The following VWA3B variants were observed in gnomAD, a reference collection of about 807,000 sequenced individuals.
The protein encoded by VWA3B is von Willebrand factor A domain containing 3B, also known as von Willebrand factor A domain-containing protein 3B.
VWA3B carries 138 observed loss-of-function variants against 158.3 expected under a neutral mutation model. That is an observed-to-expected ratio of 0.87 (90% CI 0.76 to 1.00). The LOEUF is 1.00. VWA3B is among the 50% of genes least tolerant of loss of function. The pLI is 0.00. For synonymous variants in VWA3B, 596 were observed against 587.3 expected (o/e 1.01, Z -0.21); for missense variants, 1,555 against 1,565.1 (o/e 0.99, Z 0.11).
At chr2:98,166,799 TAC>T (rs58860649) in intron 8 of VWA3B, among the ~76,000 whole-genome samples, 13,421 of 145,888 alleles carry the variant, frequency 0.092, 822 homozygotes, top group East Asian at 0.24. Context: ...TTTAATCTAA[TAC>T]ACACACACAC....
At position 98,261,149 on chromosome 2, in the gene VWA3B, C is replaced by T. The variant is rs145260511; in HGVS notation, c.2843+4975C>T. Among the ~76,000 whole-genome samples the T allele has an allele frequency of 2.1e-4, 32 of 151,706 alleles. 1 individual carries two copies. Among genetic ancestry groups the T allele is most frequent in the African/African-American group, 7.7e-4 (32 of 41,464 alleles). ...TTATTTTTGATTTGTTCTAATGGGTCGTTGTGATCGCTCTTTATTTCCTTT... is the reference window on the plus strand; with the variant it reads ...TTATTTTTGATTTGTTCTAATGGGTTGTTGTGATCGCTCTTTATTTCCTTT... On this transcript the variant is annotated intron_variant, in intron 21 of 27. Coordinates refer to ENST00000477737, the MANE Select transcript of VWA3B (RefSeq NM_144992.5).
chr2:98,295,773 G>A (rs1454710594), intron 23 of VWA3B, among the ~76,000 whole-genome samples: 1 of 152,236 alleles, frequency 6.6e-6, no homozygotes, highest in Non-Finnish European at 1.5e-5. Context: ...AAAAATTGGA[G>A]CTGATCTTGA....
At chr2:98,130,073 G>A (rs182168098) in intron 6 of VWA3B, among the ~76,000 whole-genome samples, 1 of 152,250 alleles carries the variant, frequency 6.6e-6, no homozygotes, top group Non-Finnish European at 1.5e-5. Flanking sequence ...GATCATTATC[G>A]GGTGTGGCAG....
rs531645546 is a variant in VWA3B at position 98,125,695 on chromosome 2, C to T, written c.703-2544C>T. 2.7e-4 allele frequency among the ~76,000 whole-genome samples: 41 copies of T among 152,166 alleles called. No homozygotes were observed. Among genetic ancestry groups the T allele is most frequent in the Non-Finnish European group, 4.9e-4 (33 of 67,998 alleles). On this transcript the variant is annotated intron_variant, in intron 5 of 27. Transcript: ENST00000477737. The surrounding 1 kb of genome is among the most constrained non-coding windows in gnomAD (Gnocchi z 4.1). Reference sequence around the variant, plus strand: ...TTTCTTTTTTTTTGAAACCGAGTCTCGCTCTGTCGCCCAGGCTGGAGTGCA... The same window carrying T: ...TTTCTTTTTTTTTGAAACCGAGTCTTGCTCTGTCGCCCAGGCTGGAGTGCA...
chr2:98,215,666 C>T (rs572465759), intron 13 of VWA3B, among the ~76,000 whole-genome samples: 2 of 151,840 alleles, frequency 1.3e-5, no homozygotes, highest in East Asian at 2.0e-4. Context: ...TACAGGCTCA[C>T]GCCGCCACAC....
At chr2:98,302,098 G>A (rs932834085) in intron 25 of VWA3B, among the ~76,000 whole-genome samples, 14 of 152,064 alleles carry the variant, frequency 9.2e-5, no homozygotes, top group African/African-American at 2.7e-4. Context: ...GGCCCCAGCC[G>A]GCTCCATGAG....
intron 22 of VWA3B, among the ~76,000 whole-genome samples, chr2:98,278,790 A>G (rs1200600229): frequency 1.3e-5 from 2 of 152,138 alleles, no homozygotes; most frequent in African/African-American, 4.8e-5. Flanking sequence ...GAAAAAGGCA[A>G]CATTCGAGAA....
intron 2 of VWA3B, among the ~76,000 whole-genome samples, chr2:98,114,588 A>G (rs1431430005): frequency 6.6e-6 from 1 of 152,222 alleles, no homozygotes; most frequent in Non-Finnish European, 1.5e-5. Context: ...GAGGGAAGGA[A>G]GTACCAGCAC....
chr2:98,131,025 T>C (rs935319208), intron 6 of VWA3B, among the ~76,000 whole-genome samples: 1 of 152,170 alleles, frequency 6.6e-6, no homozygotes, highest in African/African-American at 2.4e-5. Flanking sequence ...TAGAGCCTAC[T>C]CCTTCTATCT....
At chr2:98,192,110 G>C (rs1329150443) in intron 10 of VWA3B, among the ~76,000 whole-genome samples, 1 of 152,190 alleles carries the variant, frequency 6.6e-6, no homozygotes, top group African/African-American at 2.4e-5. Flanking sequence ...GAATGTGCTG[G>C]CTTCACTAGC....
chr2:98,263,697 T>C (rs1687619521), intron 21 of VWA3B, among the ~76,000 whole-genome samples: 1 of 152,068 alleles, frequency 6.6e-6, no homozygotes, highest in Admixed American at 6.5e-5. Flanking sequence ...GTCTGTAGTT[T>C]CTTTTTCCTT....
chr2:98,247,400 T>C (rs1008851098), intron 19 of VWA3B, among the ~76,000 whole-genome samples: 1 of 152,152 alleles, frequency 6.6e-6, no homozygotes, highest in African/African-American at 2.4e-5. Context: ...TAAAAACCTT[T>C]CCCCCAAAAA....
rs551469676 is a variant in VWA3B, at chr2:98,095,873, T to G, written c.196+2585T>G. Among the ~76,000 whole-genome samples, 126 of 152,216 alleles carry G rather than the reference T, an allele frequency of 8.3e-4. 3 individuals carry two copies. Among genetic ancestry groups the G allele is most frequent in the Non-Finnish European group, 2.4e-4 (16 of 68,018 alleles). On this transcript the variant is annotated intron_variant, in intron 2 of 27. Coordinates refer to ENST00000477737, the MANE Select transcript of VWA3B (RefSeq NM_144992.5). ...AATGCTTATTCTGCATCTATTGAAG[T>G]GATTATGTAGTTTTTTGTCCTTCAT...
chr2:98,182,092 A>C (rs776539619), intron 9 of VWA3B, among the ~76,000 whole-genome samples: 1 of 152,270 alleles, frequency 6.6e-6, no homozygotes, highest in African/African-American at 2.4e-5. Flanking sequence ...CATGCTGTGA[A>C]GTGAACCTAA....
At chr2:98,295,937 G>A (rs994644737) in intron 23 of VWA3B, among the ~76,000 whole-genome samples, 9 of 152,200 alleles carry the variant, frequency 5.9e-5, no homozygotes, top group African/African-American at 7.2e-5. Context: ...AAGCCAGACC[G>A]TAAGAAACTG....
intron 12 of VWA3B, among the ~76,000 whole-genome samples, chr2:98,201,008 A>C (rs747986064): frequency 3.9e-5 from 6 of 152,194 alleles, no homozygotes; most frequent in Non-Finnish European, 8.8e-5. Context: ...CACCAACATC[A>C]CATTGTCTTT....
chr2:98,232,962 A>T (rs1329800701), intron 16 of VWA3B, among the ~76,000 whole-genome samples: 1 of 152,074 alleles, frequency 6.6e-6, no homozygotes, highest in Non-Finnish European at 1.5e-5. Flanking sequence ...ACCCACAGGG[A>T]CCAAGAGGCG....
intron 8 of VWA3B, among the ~76,000 whole-genome samples, chr2:98,170,141 G>A (rs564954054): frequency 6.6e-6 from 1 of 152,066 alleles, no homozygotes; most frequent in African/African-American, 2.4e-5. Context: ...TGAATGAATG[G>A]ATGAATGAAT....
intron 26 of VWA3B, among the ~76,000 whole-genome samples, chr2:98,307,193 G>A (rs184031992): frequency 6.6e-5 from 10 of 152,254 alleles, no homozygotes; most frequent in South Asian, 2.1e-4. Flanking sequence ...AATTTCTTCC[G>A]CAAGGCCATT....
Sources: gnomAD v4.1 joint callset for allele counts (sites outside exome capture counted in the v4.1 genomes callset) on GRCh38, gnomAD v4.1.1 for gene constraint, Gnocchi (gnomAD v3.1) non-coding constraint, MANE v1.5 for transcripts, NCBI Gene and HGNC (gene_info 2026-07-23, HGNC 2026-07-21) for gene names.